FAM151B: variants seen among roughly 807,000 people sequenced by gnomAD.
FAM151B encodes protein FAM151B.
A neutral mutation model predicts 31.2 loss-of-function variants in FAM151B; 24 were observed. The ratio of observed to expected loss-of-function variants is 0.77; its 90% CI spans 0.56 to 1.08. The LOEUF (loss-of-function observed/expected upper bound fraction) is 1.08, where lower values mean the gene tolerates loss of function less well. Among genes scored for constraint, FAM151B ranks in the 50% least tolerant of loss-of-function variants. The probability of loss-of-function intolerance (pLI) is 0.00; values close to 1 mark genes in which losing one functional copy is unlikely to be tolerated. For missense variants in FAM151B, 293 were observed against 328.6 expected (o/e 0.89, Z 0.84); for synonymous variants, 105 against 111.4 (o/e 0.94, Z 0.36).
At chr5:80,494,431 GTCTT>G (rs1743426518) in intron 1 of FAM151B, among the ~76,000 whole-genome samples, 1 of 146,958 alleles carries the variant, frequency 6.8e-6, no homozygotes, top group Admixed American at 6.7e-5. Context: ...CTTTCTTTCT[GTCTT>G]TCTTTCTTTT....
intron 5 of FAM151B, among the ~76,000 whole-genome samples, chr5:80,524,045 A>G (rs748221874): frequency 6.6e-6 from 1 of 152,106 alleles, no homozygotes; most frequent in Non-Finnish European, 1.5e-5. Context: ...TACTGTATTA[A>G]TTTTTTAAAG....
intron 2 of FAM151B, among the ~76,000 whole-genome samples, chr5:80,506,640 CA>C (rs1325748835): frequency 6.6e-6 from 1 of 152,156 alleles, no homozygotes; most frequent in Non-Finnish European, 1.5e-5. Flanking sequence ...TATATTTAAA[CA>C]TAAATCAAGC....
Sources: gnomAD v4.1 joint callset for allele counts (sites outside exome capture counted in the v4.1 genomes callset) on GRCh38, gnomAD v4.1.1 for gene constraint, MANE v1.5 for transcripts, NCBI Gene and HGNC (gene_info 2026-07-23, HGNC 2026-07-21) for gene names.